MCCC1: variants seen among roughly 807,000 people sequenced by gnomAD.
MCCC1 encodes the protein methylcrotonyl-CoA carboxylase subunit 1.
In MCCC1, 64 loss-of-function variants were observed where a neutral mutation model predicts 83.8. That is an observed-to-expected ratio of 0.76 (90% CI 0.62 to 0.94). The LOEUF is 0.94. MCCC1 is among the 40% of genes least tolerant of loss of function. The pLI, the probability that MCCC1 is intolerant of heterozygous loss-of-function variation, is 0.00. For synonymous variants in MCCC1, 322 were observed against 315.4 expected (o/e 1.02, Z -0.22); for missense variants, 807 against 904.7 (o/e 0.89, Z 1.39).
intron 1 of MCCC1, among the ~76,000 whole-genome samples, chr3:183,096,127 G>A (rs986671901): frequency 1.3e-5 from 2 of 152,126 alleles, no homozygotes; most frequent in Admixed American, 6.5e-5. Flanking sequence ...CCTGAGGTCA[G>A]GAGTTCGAGA....
rs529297654 is a variant in MCCC1 at position 183,060,848 on chromosome 3, A to G, written c.762-3426T>C. 5.3e-5 allele frequency among the ~76,000 whole-genome samples: 8 copies of G among 152,156 alleles called. No homozygotes were observed. In the East Asian group the frequency reaches 1.5e-3, roughly 29 times the overall value. ...TGTTCCGTTTTTTTGTCCTTGCGAC[A>G]GTTTGCTGAGAATGATGGTTTCCAG... is the stretch of plus-strand genomic sequence containing the variant. On this transcript the variant is annotated intron_variant, in intron 7 of 18. Transcript: ENST00000265594.
At chr3:183,072,525 G>A in intron 4 of MCCC1, 38 bp from the exon 5 acceptor site, 2 of 1,609,594 alleles carry the variant, frequency 1.2e-6, no homozygotes, top group Non-Finnish European at 1.7e-6. Context: ...TTACTCATCA[G>A]TGCTCAACTG....
chr3:183,056,425 A>T (rs1400480898), intron 8 of MCCC1, among the ~76,000 whole-genome samples: 2 of 152,194 alleles, frequency 1.3e-5, no homozygotes, highest in African/African-American at 2.4e-5. Context: ...AAATCCAAAA[A>T]TAGGTAGTCC....
chr3:183,047,162 A>T (rs879874607), intron 9 of MCCC1, among the ~76,000 whole-genome samples: 3 of 152,194 alleles, frequency 2.0e-5, no homozygotes, highest in Non-Finnish European at 4.4e-5. Flanking sequence ...CAGAGCCTAA[A>T]CGATTGGGAT....
chr3:183,078,401 C>T (rs914258135), intron 4 of MCCC1, among the ~76,000 whole-genome samples: 4 of 152,114 alleles, frequency 2.6e-5, no homozygotes, highest in Non-Finnish European at 5.9e-5. Flanking sequence ...ATATATTAGG[C>T]TTTTTGGCTA....
intron 9 of MCCC1, 105 bp downstream of exon 9, chr3:183,052,054 A>G (rs1715020271): frequency 9.6e-7 from 1 of 1,039,110 alleles, no homozygotes; most frequent in Admixed American, 1.8e-5. Context: ...AATATGGTCA[A>G]AACAGCTTGA....
At position 183,114,103 on chromosome 3, in the gene MCCC1, C is replaced by T. The variant is rs543572774; in HGVS notation, c.-102+1371G>A. ...CCAGCACATCCAAGAATGCAATTAA[C>T]GGATAAGATACTGTGGCGAGCTATA... On this transcript the variant is annotated intron_variant, in intron 1 of 17. Transcript: ENST00000492597. Among the ~76,000 whole-genome samples, 29 of 152,272 alleles carry T rather than the reference C, an allele frequency of 1.9e-4. 1 individual carries two copies. In the South Asian group the frequency reaches 3.1e-3, roughly 16 times the overall value.
chr3:183,044,906 T>TG (rs1714415426), intron 10 of MCCC1, among the ~76,000 whole-genome samples: 1 of 150,632 alleles, frequency 6.6e-6, no homozygotes, highest in African/African-American at 2.4e-5. Context: ...TCAAGACTGT[T>TG]TTGTTGTTGT....
At chr3:183,084,254 CT>C (rs1717726671) in intron 4 of MCCC1, among the ~76,000 whole-genome samples, 2 of 152,184 alleles carry the variant, frequency 1.3e-5, no homozygotes, top group African/African-American at 4.8e-5. Context: ...ATGGACCACA[CT>C]TTGAGTAGCA....
rs1301777122 is a variant in MCCC1 at position 183,094,048 on chromosome 3, C to CTTT, written c.136+508_136+510dup. 1.3e-3 allele frequency among the ~76,000 whole-genome samples: 182 copies of CTTT among 135,624 alleles called. 1 individual carries two copies. The highest frequency in any genetic ancestry group is 4.7e-3 in the African/African-American group (175 of 36,898). 89.0% of individuals were successfully genotyped at this position (135,624 alleles called of 152,430 possible). On this transcript the variant is annotated intron_variant, in intron 2 of 18. Transcript: ENST00000265594. ...TCTGTATTTTATTTATTTATTTTTACTTTTTTTTTTTTTTTTTTGAGACGA... is the reference window on the plus strand; with the variant it reads ...TCTGTATTTTATTTATTTATTTTTACTTTTTTTTTTTTTTTTTTTTTGAGACGA...
chr3:183,113,006 A>AC (rs942774323), intron 1 of MCCC1, among the ~76,000 whole-genome samples: 2 of 152,084 alleles, frequency 1.3e-5, no homozygotes, highest in Non-Finnish European at 2.9e-5. Context: ...CCGGCGGATC[A>AC]CGAAGTCAAG....
chr3:183,033,678 AAG>A (rs1479455248), intron 14 of MCCC1, among the ~76,000 whole-genome samples: 13 of 152,198 alleles, frequency 8.5e-5, no homozygotes, highest in African/African-American at 3.1e-4. Flanking sequence ...ATTGGGGAAA[AAG>A]AGGTTTTTTT....
At chr3:183,084,276 G>A (rs1027194359) in intron 4 of MCCC1, among the ~76,000 whole-genome samples, 2 of 152,312 alleles carry the variant, frequency 1.3e-5, no homozygotes, top group Middle Eastern at 6.8e-3. Context: ...AGATTTAGAT[G>A]CTTTGGAATA....
At chr3:183,067,945 T>C (rs1716376556) in intron 7 of MCCC1, among the ~76,000 whole-genome samples, 1 of 152,210 alleles carries the variant, frequency 6.6e-6, no homozygotes, top group Admixed American at 6.5e-5. Context: ...TCATGAGTTA[T>C]GAGTGGCCCT....
chr3:183,023,670 T>C (rs1449328780), intron 15 of MCCC1, among the ~76,000 whole-genome samples: 4 of 152,194 alleles, frequency 2.6e-5, no homozygotes, highest in South Asian at 2.1e-4. Flanking sequence ...TCTCAAAGTG[T>C]TGGGAGGTCT....
chr3:183,101,760 T>C (rs147354256), upstream of MCCC1, among the ~76,000 whole-genome samples: 18,284 of 152,174 alleles, frequency 0.12, 1,227 homozygotes, highest in East Asian at 0.2. Context: ...TAAATCTTGC[T>C]ACTGCTCACT....
chr3:183,049,635 G>GA (rs1577291408), intron 9 of MCCC1, among the ~76,000 whole-genome samples: 1 of 150,172 alleles, frequency 6.7e-6, no homozygotes, highest in East Asian at 1.9e-4. Flanking sequence ...GGTTAACTAA[G>GA]AAAAAAAGAA....
Position 183,071,295 on chromosome 3 carries a change from T to G in MCCC1, c.554A>C (p.Asp185Ala). The G allele has an allele frequency of 6.2e-7, 1 of 1,614,192 alleles. No individual in the cohort carries two copies. Among genetic ancestry groups the G allele is most frequent in the Non-Finnish European group, 8.5e-7 (1 of 1,180,040 alleles). ...VPVVEGYHGE[D>A]QSDQCLKEHA... ...TTCCTTCAGGCACTGGTCTGATTGG[T>G]CCTCACCATGATAACCCTCCACAAC... Residue 185 changes from aspartate to alanine, a missense_variant, in exon 6 of 19, where the codon GAC (aspartate) becomes GCC (alanine). Physicochemically the swap from Asp to Ala is moderately radical, Grantham distance 126. Transcript: ENST00000265594.
intron 17 of MCCC1, among the ~76,000 whole-genome samples, chr3:183,019,653 TCAGA>T (rs1711986213): frequency 2.6e-5 from 4 of 152,220 alleles, no homozygotes; most frequent in African/African-American, 7.2e-5. Context: ...CTGAACTGAC[TCAGA>T]CAGTATGGAC....
Sources: gnomAD v4.1 joint callset for allele counts (sites outside exome capture counted in the v4.1 genomes callset) on GRCh38, gnomAD v4.1.1 for gene constraint, MANE v1.5 for transcripts, NCBI Gene and HGNC (gene_info 2026-07-23, HGNC 2026-07-21) for gene names.